ROBO2: variants seen among roughly 807,000 people sequenced by gnomAD.
ROBO2 encodes roundabout homolog 2.
ROBO2 carries 53 observed loss-of-function variants against 160.8 expected under a neutral mutation model. The observed-to-expected ratio is 0.33, with a 90% CI of 0.26 to 0.41. The LOEUF is 0.41. Ranked by LOEUF, ROBO2 falls within the 10% of genes least tolerant of loss-of-function variation. The probability of loss-of-function intolerance (pLI) is 1.00; values close to 1 mark genes in which losing one functional copy is unlikely to be tolerated. For missense variants in ROBO2, 1,577 were observed against 1,722.4 expected, an observed-to-expected ratio of 0.92 and a Z score of 1.49; for synonymous variants, 664 against 611.7, an observed-to-expected ratio of 1.09 and a Z score of -1.26.
At chr3:77,142,085 C>T (rs893064802) in intron 2 of ROBO2, among the ~76,000 whole-genome samples, 7 of 152,146 alleles carry the variant, frequency 4.6e-5, no homozygotes, top group African/African-American at 1.7e-4. Context: ...ACCTCTCTCT[C>T]TGTTTCTCTC....
intron 2 of ROBO2, among the ~76,000 whole-genome samples, chr3:75,941,689 C>T (rs1481954963): frequency 6.6e-6 from 1 of 151,982 alleles, no homozygotes; most frequent in Non-Finnish European, 1.5e-5. Context: ...ATTAAGCAGT[C>T]AAAAAATAAA....
chr3:77,506,465 G>T (rs2088548543), intron 5 of ROBO2, among the ~76,000 whole-genome samples: 1 of 152,030 alleles, frequency 6.6e-6, no homozygotes, highest in Non-Finnish European at 1.5e-5. Context: ...ACTGTCACAT[G>T]GTGCTCACGA....
chr3:76,705,406 A>G (rs923460036), intron 2 of ROBO2, among the ~76,000 whole-genome samples: 1 of 152,130 alleles, frequency 6.6e-6, no homozygotes, highest in African/African-American at 2.4e-5. Context: ...AAATACGTAA[A>G]GGGGTATGTG....
chr3:77,336,417 C>A (rs578141651), intron 2 of ROBO2, among the ~76,000 whole-genome samples: 5 of 147,052 alleles, frequency 3.4e-5, no homozygotes, highest in Non-Finnish European at 7.7e-5. Flanking sequence ...TTTGGAACTT[C>A]CTTATTTCAT....
chr3:76,119,748 ACT>A (rs2070640666), intron 2 of ROBO2, among the ~76,000 whole-genome samples: 1 of 152,052 alleles, frequency 6.6e-6, no homozygotes, highest in South Asian at 2.1e-4. Context: ...ACGCACATAC[ACT>A]CTGAGAATCT....
intron 2 of ROBO2, among the ~76,000 whole-genome samples, chr3:77,472,504 A>C (rs1287345616): frequency 6.6e-6 from 1 of 152,210 alleles, no homozygotes; most frequent in Non-Finnish European, 1.5e-5. Context: ...CAATGTAAAA[A>C]AACATGCAAA....
intron 2 of ROBO2, among the ~76,000 whole-genome samples, chr3:76,446,216 A>G (rs767260865): frequency 3.9e-5 from 6 of 152,212 alleles, no homozygotes; most frequent in Non-Finnish European, 7.3e-5. Context: ...ATCAATGTGC[A>G]AAAATCACAA....
intron 2 of ROBO2, among the ~76,000 whole-genome samples, chr3:76,099,416 T>C (rs1256796944): frequency 6.6e-6 from 1 of 152,280 alleles, no homozygotes; most frequent in Non-Finnish European, 1.5e-5. Context: ...AAAAATGTAA[T>C]TACCAAATCA....
chr3:77,370,910 A>G (rs371526246), intron 2 of ROBO2, among the ~76,000 whole-genome samples: 14 of 152,256 alleles, frequency 9.2e-5, no homozygotes, highest in East Asian at 3.9e-4. Flanking sequence ...TCTCTGCCCT[A>G]GATAGTCCAG....
Position 76,372,847 on chromosome 3 carries a change from C to T in ROBO2, c.109+435245C>T, listed in dbSNP as rs143458448. On this transcript the variant is annotated intron_variant, in intron 2 of 26. Transcript: ENST00000487694. ...TAGGAAATGCTAACCCTTCCCCAGC[C>T]TCACCAAACATGCATCCTGAGGCTC... Among the ~76,000 whole-genome samples the T allele has an allele frequency of 2.6e-4, 39 of 152,022 alleles. 1 individual carries two copies. Among genetic ancestry groups the T allele is most frequent in the Non-Finnish European group, 5.0e-4 (34 of 67,892 alleles).
chr3:75,978,965 T>G lies in ROBO2; in HGVS notation c.109+41363T>G, dbSNP rs191537248. Reference sequence around the variant, plus strand: ...CCATGAGATCATACCCGGGTTAGTATTCTAAAGAATGAGAAATTAGAACGA... The same window carrying G: ...CCATGAGATCATACCCGGGTTAGTAGTCTAAAGAATGAGAAATTAGAACGA... On this transcript the variant is annotated intron_variant, in intron 2 of 26. Coordinates refer to the ROBO2 transcript ENST00000487694. Among the ~76,000 whole-genome samples, 5 of 151,488 alleles carry G rather than the reference T, an allele frequency of 3.3e-5. No individual in the cohort carries two copies. The Admixed American group carries it at 3.3e-4, about 10-fold the overall frequency.
chr3:75,963,376 G>A (rs1948993504), intron 2 of ROBO2, among the ~76,000 whole-genome samples: 1 of 151,642 alleles, frequency 6.6e-6, no homozygotes, highest in Non-Finnish European at 1.5e-5. Flanking sequence ...AGAAAAAAAT[G>A]TGTAGACATT....
At chr3:76,839,408 G>A (rs1244566488) in intron 2 of ROBO2, among the ~76,000 whole-genome samples, 1 of 152,102 alleles carries the variant, frequency 6.6e-6, no homozygotes, top group Non-Finnish European at 1.5e-5. Flanking sequence ...TTCACTTAAT[G>A]TAATATCCTC....
chr3:77,426,381 A>G (rs2078207714), intron 2 of ROBO2, among the ~76,000 whole-genome samples: 1 of 152,082 alleles, frequency 6.6e-6, no homozygotes, highest in Admixed American at 6.6e-5. Context: ...GATGAGTTCC[A>G]CTTTGTATTC....
intron 2 of ROBO2, among the ~76,000 whole-genome samples, chr3:76,007,898 A>T (rs2066070551): frequency 6.6e-6 from 1 of 152,146 alleles, no homozygotes; most frequent in Admixed American, 6.6e-5. Flanking sequence ...TTAATTAAGG[A>T]TATTAGAGAA....
At chr3:76,214,377 A>G (rs779592251) in intron 2 of ROBO2, among the ~76,000 whole-genome samples, 1 of 152,186 alleles carries the variant, frequency 6.6e-6, no homozygotes, top group Non-Finnish European at 1.5e-5. Context: ...TGCCTCACCC[A>G]GGAAGCACAA....
intron 2 of ROBO2, among the ~76,000 whole-genome samples, chr3:76,158,629 G>C (rs1165604517): frequency 6.6e-6 from 1 of 152,080 alleles, no homozygotes; most frequent in Non-Finnish European, 1.5e-5. Context: ...TGCAGTGGTT[G>C]AGAGTTTGCT....
At chr3:76,670,897 A>C (rs2092238580) in intron 2 of ROBO2, among the ~76,000 whole-genome samples, 1 of 149,944 alleles carries the variant, frequency 6.7e-6, no homozygotes, top group Non-Finnish European at 1.5e-5. Context: ...TGCTTAATGA[A>C]CCCTTAAAAT....
At chr3:76,741,306 C>A (rs1157108095) in intron 2 of ROBO2, among the ~76,000 whole-genome samples, 1 of 151,992 alleles carries the variant, frequency 6.6e-6, no homozygotes, top group Non-Finnish European at 1.5e-5. Flanking sequence ...TGATGGTTAA[C>A]TAATTAACAA....
Sources: gnomAD v4.1 joint callset for allele counts (sites outside exome capture counted in the v4.1 genomes callset) on GRCh38, gnomAD v4.1.1 for gene constraint, MANE v1.5 for transcripts, NCBI Gene and HGNC (gene_info 2026-07-23, HGNC 2026-07-21) for gene names.